Variants in KLHL29 observed in about 807,000 individuals in gnomAD.
KLHL29 encodes kelch like family member 29, also known as kelch-like protein 29.
In KLHL29, 21 loss-of-function variants were observed where a neutral mutation model predicts 80.4. The observed-to-expected ratio is 0.26, with a 90% CI of 0.19 to 0.38. The LOEUF (loss-of-function observed/expected upper bound fraction) is 0.38. Ranked by LOEUF, KLHL29 falls within the 10% of genes least tolerant of loss-of-function variation. The probability of loss-of-function intolerance (pLI) is 1.00; values close to 1 mark genes in which losing one functional copy is unlikely to be tolerated. For missense variants in KLHL29, 867 were observed against 1,223.9 expected (o/e 0.71, Z 4.35); for synonymous variants, 511 against 526.8 (o/e 0.97, Z 0.41).
rs1021735529 is a variant in KLHL29, at chr2:23,707,347, G to A, written c.*683G>A. On this transcript the variant is annotated 3_prime_UTR_variant, in exon 14 of 14. Transcript: ENST00000486442. ...TGATTGCGCTAGCTTTCTCTTACCCGGTATGAATTATTTAGATTTCTGAGG... is the reference window on the plus strand; with the variant it reads ...TGATTGCGCTAGCTTTCTCTTACCCAGTATGAATTATTTAGATTTCTGAGG... The A allele has an allele frequency of 5.3e-5, 8 of 152,120 alleles. No homozygotes were observed. The East Asian group carries it at 1.2e-3, about 22-fold the overall frequency. The allele number at this position is 152,120 out of a possible 1,614,324, so 9.4% of individuals were successfully genotyped here.
chr2:23,631,325 GAAATTA>G (rs145437822), intron 3 of KLHL29, among the ~76,000 whole-genome samples: 4,373 of 152,312 alleles, frequency 0.029, 98 homozygotes, highest in Non-Finnish European at 0.045. Flanking sequence ...GGACAAGATT[GAAATTA>G]AAATTTAAAT....
At chr2:23,533,725 C>G (rs145795239) in intron 2 of KLHL29, among the ~76,000 whole-genome samples, 1 of 152,118 alleles carries the variant, frequency 6.6e-6, no homozygotes, top group African/African-American at 2.4e-5. Flanking sequence ...GGCATTTACG[C>G]CAATGAAGAG....
intron 5 of KLHL29, among the ~76,000 whole-genome samples, chr2:23,652,879 C>T (rs1403856027): frequency 6.6e-6 from 1 of 152,134 alleles, no homozygotes; most frequent in Non-Finnish European, 1.5e-5. Context: ...GATTGTTGGT[C>T]ATTCCTTTTT....
At chr2:23,567,005 G>A (rs780828633) in intron 3 of KLHL29, among the ~76,000 whole-genome samples, 3 of 152,180 alleles carry the variant, frequency 2.0e-5, no homozygotes, top group Non-Finnish European at 4.4e-5. Flanking sequence ...TCATGCTAAG[G>A]AACTGGGATG....
chr2:23,393,845 A>G (rs187037076), intron 1 of KLHL29, among the ~76,000 whole-genome samples: 1 of 152,202 alleles, frequency 6.6e-6, no homozygotes, highest in Non-Finnish European at 1.5e-5. Context: ...GGCTGGCCCC[A>G]CCTGACTGCT....
At chr2:23,441,533 G>C (rs1663523532) in intron 1 of KLHL29, among the ~76,000 whole-genome samples, 1 of 151,764 alleles carries the variant, frequency 6.6e-6, no homozygotes, top group Non-Finnish European at 1.5e-5. Flanking sequence ...AAAAAACTTA[G>C]TAACCTAAAA....
chr2:23,663,136 T>G (rs922099594), intron 5 of KLHL29, among the ~76,000 whole-genome samples: 45 of 152,206 alleles, frequency 3.0e-4, no homozygotes, highest in African/African-American at 3.1e-4. Context: ...TCCTCGCTGC[T>G]CCTCGCTACT....
rs781197491 is a variant in KLHL29 at position 23,461,721 on chromosome 2, G to T, written c.-153-13839G>T. Reference sequence around the variant, plus strand: ...AGTGTACCCCTTCTTTATCTTTGCTGGGGGGGCAGGGGGGCGGGAAATAGA... The same window carrying T: ...AGTGTACCCCTTCTTTATCTTTGCTTGGGGGGCAGGGGGGCGGGAAATAGA... On this transcript the variant is annotated intron_variant, in intron 1 of 13. Coordinates refer to ENST00000486442, the MANE Select transcript of KLHL29 (RefSeq NM_052920.2). Among the ~76,000 whole-genome samples the T allele has an allele frequency of 2.2e-4, 34 of 151,770 alleles. 1 individual carries two copies. The South Asian group carries it at 3.1e-3, about 14-fold the overall frequency.
intron 1 of KLHL29, among the ~76,000 whole-genome samples, chr2:23,436,955 G>C (rs1238700968): frequency 1.3e-5 from 2 of 152,210 alleles, no homozygotes; most frequent in African/African-American, 4.8e-5. Flanking sequence ...TATTTTCCAA[G>C]AGTAATGAAA....
At chr2:23,571,955 A>C (rs969902174) in intron 3 of KLHL29, among the ~76,000 whole-genome samples, 30 of 152,208 alleles carry the variant, frequency 2.0e-4, no homozygotes, top group Admixed American at 2.0e-3. Context: ...CAGGCATGTC[A>C]GTTTGCTAAA....
At chr2:23,649,551 G>A (rs568457494) in intron 5 of KLHL29, among the ~76,000 whole-genome samples, 1 of 152,334 alleles carries the variant, frequency 6.6e-6, no homozygotes, top group Admixed American at 6.5e-5. Context: ...ACCCCTGGCT[G>A]CCCCAGCCTG....
At chr2:23,411,311 A>G (rs1666853008) in intron 1 of KLHL29, among the ~76,000 whole-genome samples, 1 of 151,704 alleles carries the variant, frequency 6.6e-6, no homozygotes, top group African/African-American at 2.4e-5. Flanking sequence ...GATGTGTCAG[A>G]GGAAGTGTTG....
chr2:23,480,592 T>C (rs1363853936), intron 2 of KLHL29, among the ~76,000 whole-genome samples: 2 of 152,240 alleles, frequency 1.3e-5, no homozygotes, highest in African/African-American at 4.8e-5. Context: ...AACCACTACT[T>C]TCAACTCATA....
intron 1 of KLHL29, among the ~76,000 whole-genome samples, chr2:23,455,296 G>A (rs55777935): frequency 0.21 from 31,622 of 152,014 alleles, 4,990 homozygotes; most frequent in African/African-American, 0.43. Context: ...TATAAATACC[G>A]TGTATTATGA....
At chr2:23,551,611 A>G (rs535634381) in intron 2 of KLHL29, among the ~76,000 whole-genome samples, 22 of 152,366 alleles carry the variant, frequency 1.4e-4, no homozygotes, top group African/African-American at 5.0e-4. Flanking sequence ...AAGCCCTGTC[A>G]TTATGGAATA....
At position 23,429,563 on chromosome 2, in the gene KLHL29, G is replaced by A. The variant is rs111453249; in HGVS notation, c.-154+43783G>A. On this transcript the variant is annotated intron_variant, in intron 1 of 13. Transcript: ENST00000486442. ...AGGTCCGGAGTTTGAGACCAGCCTG[G>A]CCAACATGGTGAAACCTCGTCTCTA... Among the ~76,000 whole-genome samples the A allele has an allele frequency of 3.6e-3, 546 of 152,252 alleles. 4 individuals are homozygous for A. The highest frequency in any genetic ancestry group is 0.013 in the African/African-American group (527 of 41,550).
At chr2:23,549,653 G>C (rs1377261994) in intron 2 of KLHL29, among the ~76,000 whole-genome samples, 1 of 152,182 alleles carries the variant, frequency 6.6e-6, no homozygotes, top group African/African-American at 2.4e-5. Context: ...AGGAACAGAG[G>C]ACAAAAGTCT....
At chr2:23,704,185 C>G (rs1487745094) in intron 13 of KLHL29, among the ~76,000 whole-genome samples, 1 of 152,242 alleles carries the variant, frequency 6.6e-6, no homozygotes, top group Non-Finnish European at 1.5e-5. Flanking sequence ...TGCCCCATCA[C>G]AGACAGAAGG....
At chr2:23,686,288 A>C (rs566749235) in intron 6 of KLHL29, among the ~76,000 whole-genome samples, 1 of 151,516 alleles carries the variant, frequency 6.6e-6, no homozygotes, top group South Asian at 2.1e-4. Flanking sequence ...GAAGGAGAAC[A>C]GTAGGATGTG....
Sources: gnomAD v4.1 joint callset for allele counts (sites outside exome capture counted in the v4.1 genomes callset) on GRCh38, gnomAD v4.1.1 for gene constraint, MANE v1.5 for transcripts, NCBI Gene and HGNC (gene_info 2026-07-23, HGNC 2026-07-21) for gene names.